Variants in NTRK2 observed in about 807,000 individuals in gnomAD.
The protein encoded by NTRK2 is BDNF/NT-3 growth factors receptor.
In NTRK2, 13 loss-of-function variants were observed where a neutral mutation model predicts 94.5. The ratio of observed to expected loss-of-function variants is 0.14; its 90% confidence interval spans 0.09 to 0.22. NTRK2 has a LOEUF of 0.22. Ranked by LOEUF, NTRK2 falls within the 10% of genes least tolerant of loss-of-function variation. The pLI is 1.00. For synonymous variants in NTRK2, 372 were observed against 407.4 expected (o/e 0.91, Z 1.05); for missense variants, 639 against 1,071.2 (o/e 0.60, Z 5.63).
intron 12 of NTRK2, among the ~76,000 whole-genome samples, chr9:84,809,143 T>A (rs2071453733): frequency 1.3e-5 from 2 of 152,112 alleles, no homozygotes; most frequent in Non-Finnish European, 2.9e-5. Context: ...GCAGAACTTA[T>A]CTCATAGGGT....
intron 12 of NTRK2, among the ~76,000 whole-genome samples, chr9:84,846,844 C>T (rs2074497124): frequency 6.6e-6 from 1 of 152,178 alleles, no homozygotes; most frequent in African/African-American, 2.4e-5. Flanking sequence ...CTAGTACCCT[C>T]AAGACTCGCA....
chr9:84,694,472 C>G (rs1392878788), intron 2 of NTRK2, among the ~76,000 whole-genome samples: 3 of 152,212 alleles, frequency 2.0e-5, no homozygotes. Context: ...AGCGTTCTTT[C>G]CATTCACGTC....
At chr9:84,841,023 C>G (rs2131784401) in intron 12 of NTRK2, among the ~76,000 whole-genome samples, 1 of 152,298 alleles carries the variant, frequency 6.6e-6, no homozygotes, top group African/African-American at 2.4e-5. Context: ...CCAAGTGGGA[C>G]TGTTGCTGAG....
At chr9:84,829,205 T>G (rs10118274) in intron 12 of NTRK2, among the ~76,000 whole-genome samples, 8,866 of 152,034 alleles carry the variant, frequency 0.058, 329 homozygotes, top group African/African-American at 0.092. Flanking sequence ...CGCCATATTG[T>G]CCAGGCTGGT....
At chr9:84,776,691 A>G (rs968511597) in intron 12 of NTRK2, among the ~76,000 whole-genome samples, 4 of 152,236 alleles carry the variant, frequency 2.6e-5, no homozygotes, top group African/African-American at 9.6e-5. Flanking sequence ...CATGAACAGC[A>G]TATTTGTATC....
intron 11 of NTRK2, among the ~76,000 whole-genome samples, chr9:84,745,968 C>T (rs1265589542): frequency 1.3e-5 from 2 of 152,104 alleles, no homozygotes; most frequent in African/African-American, 4.8e-5. Flanking sequence ...CCAGTTGTTT[C>T]TTTTCCTCAC....
rs775430298 is a variant in NTRK2, at chr9:84,702,187, A to T, written c.241A>T (p.Ile81Phe). ...CATCGCAAACCAGAAAAGGTTAGAA[A>T]TCATCAACGAAGATGATGTTGAAGC... ...IFIANQKRLE[I>F]INEDDVEAYV... Residue 81 changes from isoleucine to phenylalanine, a missense_variant, in exon 3 of 19, where the codon ATC becomes TTC. Around this residue, in one of 5 missense-constraint regions of NTRK2, gnomAD observed 206 missense variants for 251.5 expected, o/e 0.82. Transcript: ENST00000277120. 1.7e-5 allele frequency: 28 copies of T among 1,614,090 alleles called. No individual in the cohort carries two copies. The highest frequency in any genetic ancestry group is 1.6e-4 in the Middle Eastern group (1 of 6,084).
intron 12 of NTRK2, among the ~76,000 whole-genome samples, chr9:84,838,862 A>G (rs2074019637): frequency 6.6e-6 from 1 of 152,074 alleles, no homozygotes; most frequent in Admixed American, 6.6e-5. Flanking sequence ...TGCTTCATTG[A>G]TTTAAAAAAT....
At chr9:84,722,135 C>A (rs2062105836) in intron 6 of NTRK2, among the ~76,000 whole-genome samples, 1 of 147,962 alleles carries the variant, frequency 6.8e-6, no homozygotes, top group Non-Finnish European at 1.5e-5. Flanking sequence ...ATTTCATTGC[C>A]CTGTATAACT....
At chr9:85,011,497 G>T (rs140371833) in intron 17 of NTRK2, among the ~76,000 whole-genome samples, 1 of 152,128 alleles carries the variant, frequency 6.6e-6, no homozygotes, top group Non-Finnish European at 1.5e-5. Context: ...TCCCGGATCC[G>T]ATAAGATTAG....
At chr9:84,924,241 A>C (rs1237657258) in intron 14 of NTRK2, among the ~76,000 whole-genome samples, 3 of 116,816 alleles carry the variant, frequency 2.6e-5, no homozygotes, top group African/African-American at 1.1e-4. Flanking sequence ...GAAAGAAAGA[A>C]AGAAAGAAAG....
intron 6 of NTRK2, among the ~76,000 whole-genome samples, chr9:84,716,992 G>A (rs1242354218): frequency 7.2e-5 from 11 of 152,168 alleles, no homozygotes; most frequent in Non-Finnish European, 1.5e-4. Context: ...CTGTTCAGGA[G>A]GCAAAGAACT....
intron 12 of NTRK2, among the ~76,000 whole-genome samples, chr9:84,857,003 C>A (rs1016836999): frequency 6.6e-6 from 1 of 152,152 alleles, no homozygotes; most frequent in African/African-American, 2.4e-5. Context: ...TCCACGTTGC[C>A]TGTTCCCAGC....
intron 14 of NTRK2, chr9:84,877,386 T>C (rs201376249): frequency 9.4e-7 from 1 of 1,066,168 alleles, no homozygotes; most frequent in Non-Finnish European, 1.1e-6. Context: ...ATGGTCCCCA[T>C]GCCATCTATT....
intron 14 of NTRK2, among the ~76,000 whole-genome samples, chr9:84,895,289 G>T (rs2076725727): frequency 6.6e-6 from 1 of 152,164 alleles, no homozygotes; most frequent in African/African-American, 2.4e-5. Context: ...GAAATCAATA[G>T]GTTTAGAAGT....
At chr9:84,926,174 CT>C (rs1564471133) in intron 14 of NTRK2, among the ~76,000 whole-genome samples, 18 of 58,602 alleles carry the variant, frequency 3.1e-4, no homozygotes, top group Non-Finnish European at 3.1e-4. Flanking sequence ...TCCTTCCTTT[CT>C]TTCTTTCTTT....
intron 14 of NTRK2, among the ~76,000 whole-genome samples, chr9:84,922,823 T>C (rs369132080): frequency 6.6e-6 from 1 of 152,186 alleles, no homozygotes; most frequent in Non-Finnish European, 1.5e-5. Context: ...GATTAAATGG[T>C]AAATGAAGGA....
At chr9:84,961,680 AG>A (rs1291428867) in intron 17 of NTRK2, among the ~76,000 whole-genome samples, 2 of 152,206 alleles carry the variant, frequency 1.3e-5, no homozygotes, top group Admixed American at 1.3e-4. Flanking sequence ...AGATGCAAAA[AG>A]CATCTAGACT....
intron 12 of NTRK2, among the ~76,000 whole-genome samples, chr9:84,763,307 G>A (rs1377181223): frequency 6.6e-6 from 1 of 151,964 alleles, no homozygotes; most frequent in African/African-American, 2.4e-5. Context: ...TTGACCTGGG[G>A]ACAGGTTATA....
Sources: gnomAD v4.1 joint callset for allele counts (sites outside exome capture counted in the v4.1 genomes callset) on GRCh38, gnomAD v4.1.1 for gene constraint, gnomAD v4.1.1 regional missense constraint, MANE v1.5 for transcripts, NCBI Gene and HGNC (gene_info 2026-07-23, HGNC 2026-07-21) for gene names.